Variants in RSRC1 observed in about 807,000 individuals in gnomAD.
The protein encoded by RSRC1 is arginine and serine rich coiled-coil 1, also known as serine/Arginine-related protein 53.
Under a neutral mutation model 49.1 loss-of-function variants are expected in RSRC1, and 39 were observed. The observed-to-expected ratio is 0.79, with a 90% confidence interval of 0.61 to 1.04. The LOEUF (loss-of-function observed/expected upper bound fraction) is 1.04, where lower values mean the gene tolerates loss of function less well. Ranked by LOEUF, RSRC1 falls within the 50% of genes least tolerant of loss-of-function variation. The pLI is 0.00. For missense variants in RSRC1, 388 were observed against 402.4 expected (o/e 0.96, Z 0.31); for synonymous variants, 143 against 130.8 (o/e 1.09, Z -0.63).
chr3:158,124,403 G>C (rs1004363854), intron 3 of RSRC1, among the ~76,000 whole-genome samples: 2 of 152,166 alleles, frequency 1.3e-5, no homozygotes, highest in Admixed American at 6.5e-5. Context: ...TATTTGTCTG[G>C]CATTGGTATC....
chr3:158,192,389 C>CA (rs1553766980), intron 3 of RSRC1, among the ~76,000 whole-genome samples: 1 of 151,972 alleles, frequency 6.6e-6, no homozygotes, highest in Non-Finnish European at 1.5e-5. Context: ...ATAATGAGCA[C>CA]AATTAGTTTG....
At position 158,230,457 on chromosome 3, in the gene RSRC1, A is replaced by G. The variant is rs1407546369; in HGVS notation, c.494+27212A>G. On this transcript the variant is annotated intron_variant, in intron 4 of 9. Coordinates refer to ENST00000611884, the MANE Select transcript of RSRC1 (RefSeq NM_001271838.2). Reference sequence around the variant, plus strand: ...ATAAATTACGTGCTTTATTTTCTCCATATATGTTCCTTCTTCCTCATTTGG... The same window carrying G: ...ATAAATTACGTGCTTTATTTTCTCCGTATATGTTCCTTCTTCCTCATTTGG... 2.0e-5 allele frequency among the ~76,000 whole-genome samples: 3 copies of G among 152,124 alleles called. No homozygotes were observed. The East Asian group carries it at 5.8e-4, about 29-fold the overall frequency.
At chr3:158,368,932 A>C (rs1053354093) in intron 6 of RSRC1, among the ~76,000 whole-genome samples, 4 of 152,134 alleles carry the variant, frequency 2.6e-5, no homozygotes, top group Non-Finnish European at 4.4e-5. Flanking sequence ...TTTGGATATC[A>C]GATAAGTGAA....
Position 158,229,047 on chromosome 3 carries a change from T to TACGTGTATATGTGTGTATAAAC in RSRC1, c.494+25827_494+25848dup, listed in dbSNP as rs1335044339. On this transcript the variant is annotated intron_variant, in intron 4 of 9. Coordinates refer to ENST00000611884, the MANE Select transcript of RSRC1 (RefSeq NM_001271838.2). ...GTGTATATGTGTGTATAAACACACA[T>TACGTGTATATGTGTGTATAAAC]ACGTGTATATGTGTGTATAAACACG... Among the ~76,000 whole-genome samples, 12 of 115,142 alleles carry TACGTGTATATGTGTGTATAAAC rather than the reference T, an allele frequency of 1.0e-4. 4 individuals carry two copies. The highest frequency in any genetic ancestry group is 1.7e-4 in the Admixed American group (2 of 11,490). 75.5% of individuals were successfully genotyped at this position (115,142 alleles called of 152,430 possible).
intron 6 of RSRC1, among the ~76,000 whole-genome samples, chr3:158,436,415 T>C (rs1400311144): frequency 6.6e-6 from 1 of 151,904 alleles, no homozygotes; most frequent in Non-Finnish European, 1.5e-5. Context: ...TTTAAAAATA[T>C]ATATATATAT....
intron 2 of RSRC1, among the ~76,000 whole-genome samples, chr3:158,122,810 A>C (rs752068919): frequency 6.6e-6 from 1 of 151,394 alleles, no homozygotes; most frequent in African/African-American, 2.4e-5. Flanking sequence ...ATTCCCACCT[A>C]TGAATGAGAA....
intron 6 of RSRC1, among the ~76,000 whole-genome samples, chr3:158,384,575 C>T (rs1732867611): frequency 1.3e-5 from 2 of 152,022 alleles, no homozygotes; most frequent in Admixed American, 6.6e-5. Context: ...ATTCCTGGCC[C>T]AGCAATTGCT....
chr3:158,135,773 C>T (rs958192567), intron 3 of RSRC1, among the ~76,000 whole-genome samples: 4 of 152,160 alleles, frequency 2.6e-5, no homozygotes, highest in African/African-American at 9.7e-5. Context: ...CCTTTTCAAT[C>T]ACATCTTTCC....
intron 6 of RSRC1, among the ~76,000 whole-genome samples, chr3:158,386,380 T>A (rs1732966345): frequency 6.6e-6 from 1 of 152,062 alleles, no homozygotes; most frequent in Admixed American, 6.5e-5. Flanking sequence ...TTGTATGTAA[T>A]CTTGTTTAAT....
intron 4 of RSRC1, among the ~76,000 whole-genome samples, chr3:158,240,497 A>G (rs151127352): frequency 3.4e-3 from 523 of 152,262 alleles, no homozygotes; most frequent in Admixed American, 5.0e-3. Context: ...TTCATGATGT[A>G]TAATCTTTTT....
At chr3:158,281,798 G>A (rs2108077557) in intron 4 of RSRC1, among the ~76,000 whole-genome samples, 1 of 152,286 alleles carries the variant, frequency 6.6e-6, no homozygotes, top group East Asian at 1.9e-4. Context: ...TTAGCCAAGA[G>A]TAATTTTTGG....
At chr3:158,409,714 T>C (rs1734344290) in intron 6 of RSRC1, among the ~76,000 whole-genome samples, 1 of 127,038 alleles carries the variant, frequency 7.9e-6, no homozygotes, top group South Asian at 3.0e-4. Flanking sequence ...TTTTGTGATA[T>C]GAACTGTGCT....
intron 7 of RSRC1, among the ~76,000 whole-genome samples, chr3:158,503,541 C>G (rs1739710138): frequency 6.6e-6 from 1 of 152,046 alleles, no homozygotes; most frequent in Non-Finnish European, 1.5e-5. Context: ...AGCTCAGACT[C>G]TCTTTGGGTG....
intron 6 of RSRC1, among the ~76,000 whole-genome samples, chr3:158,385,517 G>A (rs1732924736): frequency 6.6e-6 from 1 of 152,002 alleles, no homozygotes; most frequent in Admixed American, 6.6e-5. Context: ...TTCCCTACCT[G>A]GTTTCATTAT....
chr3:158,331,745 GC>G (rs1729558709), intron 5 of RSRC1, among the ~76,000 whole-genome samples: 1 of 150,708 alleles, frequency 6.6e-6, no homozygotes, highest in Non-Finnish European at 1.5e-5. Flanking sequence ...TTTCCTCATG[GC>G]CTAACAAATA....
At chr3:158,311,684 T>G (rs1728137253) in intron 5 of RSRC1, among the ~76,000 whole-genome samples, 2 of 152,040 alleles carry the variant, frequency 1.3e-5, no homozygotes, top group Non-Finnish European at 2.9e-5. Context: ...GTTTTATACT[T>G]GAAAATTGCT....
At chr3:158,227,317 T>G (rs1261132276) in intron 4 of RSRC1, among the ~76,000 whole-genome samples, 2 of 151,942 alleles carry the variant, frequency 1.3e-5, no homozygotes, top group Middle Eastern at 3.2e-3. Flanking sequence ...CCCCCAAGAT[T>G]AGACGAGTGG....
chr3:158,355,162 T>G (rs931635132), intron 6 of RSRC1, among the ~76,000 whole-genome samples: 1 of 151,994 alleles, frequency 6.6e-6, no homozygotes, highest in African/African-American at 2.4e-5. Flanking sequence ...GTTTTTTATT[T>G]TGATGAAGCC....
chr3:158,240,897 CA>C (rs1723535817), intron 4 of RSRC1, among the ~76,000 whole-genome samples: 1 of 152,052 alleles, frequency 6.6e-6, no homozygotes, highest in Non-Finnish European at 1.5e-5. Flanking sequence ...ATATACAATA[CA>C]ATAAAATAAA....
Sources: gnomAD v4.1 joint callset for allele counts (sites outside exome capture counted in the v4.1 genomes callset) on GRCh38, gnomAD v4.1.1 for gene constraint, MANE v1.5 for transcripts, NCBI Gene and HGNC (gene_info 2026-07-23, HGNC 2026-07-21) for gene names.